Variants in RSKR observed in about 807,000 individuals in gnomAD.
RSKR encodes ribosomal protein S6 kinase-related protein.
RSKR carries 44 observed loss-of-function variants against 56.8 expected under a neutral mutation model. That is an observed-to-expected ratio of 0.77 (90% CI 0.61 to 1.00). The LOEUF is 1.00. Among genes scored for constraint, RSKR ranks in the 50% least tolerant of loss-of-function variants. RSKR has a pLI of 0.00. For synonymous variants in RSKR, 181 were observed against 188.0 expected, an observed-to-expected ratio of 0.96 and a Z score of 0.30; for missense variants, 510 against 506.9, an observed-to-expected ratio of 1.01 and a Z score of -0.06.
intron 1 of RSKR, 34 bp from the exon 2 acceptor site, chr17:28,613,722 C>T: frequency 6.8e-6 from 11 of 1,611,070 alleles, no homozygotes; most frequent in Admixed American, 1.7e-5. Flanking sequence ...AAACTTTCTG[C>T]TCCTGAGGCA....
At chr17:28,612,876 G>A in intron 4 of RSKR, 189 bp from the exon 5 acceptor site, 1 of 738,620 alleles carries the variant, frequency 1.4e-6, no homozygotes, top group Non-Finnish European at 2.3e-6. Flanking sequence ...GAATACACTG[G>A]GACATGCTTC....
chr17:28,611,126 GC>G lies in RSKR; in HGVS notation c.1011+16del, dbSNP rs2151530241. 3 of 1,514,530 alleles carry G rather than the reference GC, an allele frequency of 2.0e-6. No homozygotes were observed. The highest frequency in any genetic ancestry group is 2.7e-6 in the Non-Finnish European group (3 of 1,127,374). The allele number at this position is 1,514,530 out of a possible 1,614,324, so 93.8% of individuals were successfully genotyped here. On this transcript the variant is annotated intron_variant, in intron 11 of 11. Coordinates refer to ENST00000301037, the MANE Select transcript of RSKR (RefSeq NM_001174103.2). ...AATGGTTTCGTAGCCAAGAAGGAAAGCAGTGCTCATCCTTACCTCATGGAGC... is the reference window on the plus strand; with the variant it reads ...AATGGTTTCGTAGCCAAGAAGGAAAGAGTGCTCATCCTTACCTCATGGAGC...
At position 28,611,654 on chromosome 17, in the gene RSKR, G is replaced by A; in HGVS notation, c.724C>T (p.His242Tyr). Reference protein sequence around the residue: ...MENILLDERGHLKLTDFGLSR... With the variant: ...MENILLDERGYLKLTDFGLSR... ...AGACCAAAGTCTGTCAGTTTCAGAT[G>A]GCCTATGAAAGAAGGTAAGGCAACT... Residue 242 changes from histidine to tyrosine, a missense_variant and splice_region_variant, in exon 9 of 12, where the codon CAT becomes TAT. Coordinates refer to ENST00000301037, the MANE Select transcript of RSKR (RefSeq NM_001174103.2). The A allele has an allele frequency of 6.3e-7, 1 of 1,592,712 alleles. No individual in the cohort carries two copies. The highest frequency in any genetic ancestry group is 1.2e-5 in the South Asian group (1 of 86,560).
At position 28,611,665 on chromosome 17, in the gene RSKR, G is replaced by A. The variant is rs143556772; in HGVS notation, c.722-9C>T. 5.9e-5 allele frequency: 95 copies of A among 1,601,442 alleles called. 1 individual carries two copies. The East Asian group carries it at 2.0e-3, about 33-fold the overall frequency. On this transcript the variant is annotated splice_polypyrimidine_tract_variant and intron_variant, in intron 8 of 11. Coordinates refer to ENST00000301037, the MANE Select transcript of RSKR (RefSeq NM_001174103.2). The stretch of plus-strand genomic sequence containing the variant: ...TGTCAGTTTCAGATGGCCTATGAAA[G>A]AAGGTAAGGCAACTGCACCACTGTT...
In RSKR at chr17:28,609,689, G is replaced by C. The variant is rs901194603; in HGVS notation, c.*789C>G. 1 of 136,330 alleles carries C rather than the reference G, an allele frequency of 7.3e-6. No individual in the cohort carries two copies. The highest frequency in any genetic ancestry group is 2.8e-5 in the African/African-American group (1 of 36,206). 8.4% of individuals were successfully genotyped at this position (136,330 alleles called of 1,614,324 possible). A position where few individuals can be genotyped will look rare whatever the true frequency, so the allele number is the denominator to read the frequency against. ...GCCTGTGAAGGTTGCAGTGAGCTGA[G>C]ATCGTGCCACTGCACTCCAACCTGG... On this transcript the variant is annotated 3_prime_UTR_variant, in exon 12 of 12. Transcript: ENST00000301037.
chr17:28,612,726 G>T (rs778442015), intron 4 of RSKR, 39 bp from the exon 5 acceptor site: 14 of 1,600,556 alleles, frequency 8.7e-6, no homozygotes, highest in African/African-American at 1.3e-5. Flanking sequence ...GAGGAACAGG[G>T]TCATTGAGAA....
chr17:28,610,327 C>G lies in RSKR; in HGVS notation c.*151G>C, dbSNP rs1450270929. The G allele has an allele frequency of 2.9e-6, 2 of 687,216 alleles. No homozygotes were observed. The highest frequency in any genetic ancestry group is 4.8e-6 in the Non-Finnish European group (2 of 415,834). 42.6% of individuals were successfully genotyped at this position (687,216 alleles called of 1,614,324 possible). A position where few individuals can be genotyped will look rare whatever the true frequency, so the allele number is the denominator to read the frequency against. On this transcript the variant is annotated 3_prime_UTR_variant, in exon 12 of 12. Coordinates refer to ENST00000301037, the MANE Select transcript of RSKR (RefSeq NM_001174103.2). ...CTGTGGCTGCCAGTAGCAGAATGTCCAGGTTGGAACTCTGGTCTAAAGCCT... is the reference window on the plus strand; with the variant it reads ...CTGTGGCTGCCAGTAGCAGAATGTCGAGGTTGGAACTCTGGTCTAAAGCCT...
intron 2 of RSKR, 45 bp from the exon 3 acceptor site, chr17:28,613,390 T>G (rs761377922): frequency 1.2e-6 from 2 of 1,614,182 alleles, no homozygotes; most frequent in South Asian, 2.2e-5. Flanking sequence ...CTGGTCATTT[T>G]TAACTTCTCC....
chr17:28,614,106 CG>C lies in RSKR; in HGVS notation c.55del (p.Arg19GlyfsTer51). 6.2e-7 allele frequency: 1 copy of C among 1,613,608 alleles called. No individual in the cohort carries two copies. Among genetic ancestry groups the C allele is most frequent in the Non-Finnish European group, 8.5e-7 (1 of 1,179,894 alleles). ...GQHTQQGEHTRVAVPHKQGGN... is the reference protein window; with the variant it reads ...GQHTQQGEHTXVAVPHKQGGN... ...GCCTACCTTGTGAGGGACAGCCACCCGGGTGTGTTCCCCCTGCTGGGTGTGC... is the reference window on the plus strand; with the variant it reads ...GCCTACCTTGTGAGGGACAGCCACCCGGTGTGTTCCCCCTGCTGGGTGTGC... On this transcript the variant is annotated frameshift_variant, in exon 1 of 12. Coordinates refer to ENST00000301037, the MANE Select transcript of RSKR (RefSeq NM_001174103.2). LOFTEE classifies it high-confidence loss of function.
In RSKR at chr17:28,610,393, C is replaced by T; in HGVS notation, c.*85G>A. On this transcript the variant is annotated 3_prime_UTR_variant, in exon 12 of 12. Transcript: ENST00000301037. ...TAAGAGGCTACAAAATAAAAACAAA[C>T]TGGATTATCAAGGTGGTCATACTGA... 1 of 1,243,422 alleles carries T rather than the reference C, an allele frequency of 8.0e-7. No homozygotes were observed. Among genetic ancestry groups the T allele is most frequent in the Non-Finnish European group, 1.1e-6 (1 of 893,528 alleles). The allele number at this position is 1,243,422 out of a possible 1,614,324, so 77.0% of individuals were successfully genotyped here.
Position 28,611,226 on chromosome 17 carries a change from C to A in RSKR, c.928G>T (p.Val310Leu). ...KFPVAAERDH[V>L]AMLASVTHSD... ...TGGGTCACACTTGCCAACATGGCCA[C>A]ATGATCTCTCTCTGCAGCCACTGGA... is the stretch of plus-strand genomic sequence containing the variant. Residue 310 changes from valine to leucine, a missense_variant, in exon 11 of 12, where the codon GTG (valine) becomes TTG (leucine). Physicochemically the swap from Val to Leu is conservative, Grantham distance 32. Transcript: ENST00000301037. 3 of 1,536,180 alleles carry A rather than the reference C, an allele frequency of 2.0e-6. No homozygotes were observed. Among genetic ancestry groups the A allele is most frequent in the Non-Finnish European group, 2.6e-6 (3 of 1,146,872 alleles).
rs1039066095 is a variant in RSKR, at chr17:28,613,843, C to T, written c.76-155G>A. 15 of 1,158,226 alleles carry T rather than the reference C, an allele frequency of 1.3e-5. No homozygotes were observed. The African/African-American group carries it at 2.3e-4, about 18-fold the overall frequency. The allele number at this position is 1,158,226 out of a possible 1,614,324, so 71.7% of individuals were successfully genotyped here. The stretch of plus-strand genomic sequence containing the variant: ...CCCATTACCCTTGCTTTGTGCTAAG[C>T]CCCAGATTTCCTGGGCACAATTCAA... On this transcript the variant is annotated intron_variant, in intron 1 of 11. Transcript: ENST00000301037.
Position 28,609,029 on chromosome 17 carries a change from A to C in RSKR, c.*1449T>G, listed in dbSNP as rs1428867739. 2 of 148,356 alleles carry C rather than the reference A, an allele frequency of 1.3e-5. No individual in the cohort carries two copies. Among genetic ancestry groups the C allele is most frequent in the African/African-American group, 5.1e-5 (2 of 39,326 alleles). 9.2% of individuals were successfully genotyped at this position (148,356 alleles called of 1,614,324 possible). A position where few individuals can be genotyped will look rare whatever the true frequency, so the allele number is the denominator to read the frequency against. ...TTATTGAGATATGTCTCTAACCTTAAATCTTTTTTTTTTTTTTTTTTTTTT... is the reference window on the plus strand; with the variant it reads ...TTATTGAGATATGTCTCTAACCTTACATCTTTTTTTTTTTTTTTTTTTTTT... On this transcript the variant is annotated 3_prime_UTR_variant, in exon 12 of 12. Transcript: ENST00000301037.
rs1217123191 is a variant in RSKR, at chr17:28,610,433, A to AG, written c.*44dup. 4 of 1,491,114 alleles carry AG rather than the reference A, an allele frequency of 2.7e-6. No homozygotes were observed. Among genetic ancestry groups the AG allele is most frequent in the Non-Finnish European group, 3.6e-6 (4 of 1,106,736 alleles). The allele number at this position is 1,491,114 out of a possible 1,614,324, so 92.4% of individuals were successfully genotyped here. Reference sequence around the variant, plus strand: ...GGTCATACTGAGTAGGCAGGGATGGAGATCTTCAGGCTCCCAGCCGGGCCC... The same window carrying AG: ...GGTCATACTGAGTAGGCAGGGATGGAGGATCTTCAGGCTCCCAGCCGGGCCC... On this transcript the variant is annotated 3_prime_UTR_variant, in exon 12 of 12. Transcript: ENST00000301037.
chr17:28,612,465 A>C, intron 5 of RSKR, 99 bp from the exon 6 acceptor site: 1 of 1,394,104 alleles, frequency 7.2e-7, no homozygotes, highest in African/African-American at 1.4e-5. Context: ...CTCCTGCCCA[A>C]ACTGATACCA....
rs771969472 is a variant in RSKR, at chr17:28,614,135, C to T, written c.27G>A (p.Gly9=). The T allele has an allele frequency of 2.4e-5, 38 of 1,613,476 alleles. 1 individual carries two copies. The South Asian group carries it at 4.0e-4, about 17-fold the overall frequency. ...TGTGTTCCCCCTGCTGGGTGTGCTGCCCCTGCCGACAGCTTACTGCTCCCA... is the reference window on the plus strand; with the variant it reads ...TGTGTTCCCCCTGCTGGGTGTGCTGTCCCTGCCGACAGCTTACTGCTCCCA... MGAVSCRQ[G]QHTQQGEHTR... Residue 9 remains glycine, a synonymous_variant, in exon 1 of 12, where the codon GGG becomes GGA. Transcript: ENST00000301037.
rs1047741343 is a variant in RSKR at position 28,608,782 on chromosome 17, T to A, written c.*1696A>T. 6.6e-6 allele frequency: 1 copy of A among 152,098 alleles called. No individual in the cohort carries two copies. The highest frequency in any genetic ancestry group is 6.6e-5 in the Admixed American group (1 of 15,256). The allele number at this position is 152,098 out of a possible 1,614,324, so 9.4% of individuals were successfully genotyped here. A position where few individuals can be genotyped will look rare whatever the true frequency, so the allele number is the denominator to read the frequency against. ...ATCTGGCTCAATCTAGAGACAAAAT[T>A]AATAAATAGAACTAAAGAGTACTCT... On this transcript the variant is annotated 3_prime_UTR_variant, in exon 12 of 12. Coordinates refer to ENST00000301037, the MANE Select transcript of RSKR (RefSeq NM_001174103.2).
rs1018364073 is a variant in RSKR at position 28,613,938 on chromosome 17, T to C, written c.75+149A>G. 17 of 1,057,736 alleles carry C rather than the reference T, an allele frequency of 1.6e-5. No homozygotes were observed. The South Asian group carries it at 1.7e-4, about 10-fold the overall frequency. The allele number at this position is 1,057,736 out of a possible 1,614,324, so 65.5% of individuals were successfully genotyped here. The stretch of plus-strand genomic sequence containing the variant: ...TAAGAGTACAGCCTGCACCTCAGTA[T>C]TGGGCTGTGATGCTTTCATAGTACA... On this transcript the variant is annotated intron_variant, in intron 1 of 11. Transcript: ENST00000301037.
At position 28,613,306 on chromosome 17, in the gene RSKR, G is replaced by T. The variant is rs753974005; in HGVS notation, c.364C>A (p.Leu122Ile). 88 of 1,614,184 alleles carry T rather than the reference G, an allele frequency of 5.5e-5. No homozygotes were observed. The South Asian group carries it at 9.4e-4, about 17-fold the overall frequency. The change falls in exon 3 of 12, where the codon CTC becomes ATC. Residue 122 changes from leucine to isoleucine, a missense_variant. Coordinates refer to ENST00000301037, the MANE Select transcript of RSKR (RefSeq NM_001174103.2). ...LVAKGSFGTV[L>I]KVLDCTQKAV... is the part of the protein sequence containing the mutation. ...TTCTGGGTGCAATCTAGCACCTTGA[G>T]GACAGTTCCAAAGGAGCCTTTAGCC...
Sources: allele counts gnomAD v4.1 joint callset, GRCh38; gene constraint gnomAD v4.1.1; transcripts MANE v1.5; gene names NCBI Gene and HGNC (gene_info 2026-07-23, HGNC 2026-07-21).